ZNF469: variants seen among roughly 807,000 people sequenced by gnomAD.
The protein encoded by ZNF469 is zinc finger protein 469.
ZNF469 carries 1 observed loss-of-function variant against 1.0 expected under a neutral mutation model. The observed-to-expected ratio is 1.00, with a 90% CI of 0.35 to 4.73. ZNF469 has a LOEUF of 4.73. Among genes scored for constraint, ZNF469 ranks in the 30% most tolerant of loss-of-function variants. ZNF469 has a pLI of 0.16. For missense variants in ZNF469, 6,100 were observed against 5,356.3 expected (o/e 1.14, Z -4.33); for synonymous variants, 2,703 against 2,363.4 (o/e 1.14, Z -4.17).
the ZNF469 span, among the ~76,000 whole-genome samples, chr16:88,256,938 CTTTCTTTCTTTCT>C: frequency 0.38 from 5,328 of 14,208 alleles, 342 homozygotes; most frequent in Middle Eastern, 0.46. Context: ...TTCTTTCTTT[CTTTCTTTCTTTCT>C]TTTCTTTTCT....
the ZNF469 span, among the ~76,000 whole-genome samples, chr16:88,126,188 CAAAAA>C: frequency 6.8e-5 from 4 of 59,036 alleles, no homozygotes; most frequent in East Asian, 5.2e-4. Flanking sequence ...GACTCCATCC[CAAAAA>C]AAAAAAAAAA....
chr16:88,205,761 G>GTTTTC, the ZNF469 span, among the ~76,000 whole-genome samples: 2 of 152,330 alleles, frequency 1.3e-5, no homozygotes, highest in African/African-American at 2.4e-5. The surrounding 1 kb of genome is among the most constrained non-coding windows in gnomAD (Gnocchi z 4.2). Flanking sequence ...TCTATGGGGA[G>GTTTTC]GAAGCTGGGT....
At chr16:88,222,172 G>A in the ZNF469 span, among the ~76,000 whole-genome samples, 6 of 152,142 alleles carry the variant, frequency 3.9e-5, no homozygotes, top group Non-Finnish European at 8.8e-5. Flanking sequence ...CTTATCTCAC[G>A]TTCTGTGTGG....
intron 1 of ZNF469, among the ~76,000 whole-genome samples, chr16:88,390,284 A>G (rs1244369462): frequency 6.6e-6 from 1 of 152,080 alleles, no homozygotes; most frequent in African/African-American, 2.4e-5. Context: ...TTCTGGATAC[A>G]CATGGGAGTA....
chr16:88,106,809 G>A, the ZNF469 span, among the ~76,000 whole-genome samples: 2 of 152,264 alleles, frequency 1.3e-5, no homozygotes, highest in Non-Finnish European at 1.5e-5. Flanking sequence ...TGCCATTGCC[G>A]CACAGGCCAG....
At chr16:88,203,133 A>G in the ZNF469 span, among the ~76,000 whole-genome samples, 9 of 152,032 alleles carry the variant, frequency 5.9e-5, no homozygotes, top group Non-Finnish European at 8.8e-5. Flanking sequence ...TGAAGCTCGG[A>G]GTGGGAAGGG....
chr16:88,369,305 T>C, the ZNF469 span, among the ~76,000 whole-genome samples: 1 of 152,178 alleles, frequency 6.6e-6, no homozygotes, highest in Non-Finnish European at 1.5e-5. Flanking sequence ...GGACGCCACA[T>C]GCAAATAAAT....
chr16:88,419,755 A>T (rs4782359), intron 1 of ZNF469, among the ~76,000 whole-genome samples: 1 of 152,230 alleles, frequency 6.6e-6, no homozygotes, highest in African/African-American at 2.4e-5. Context: ...CCCAAGGCCA[A>T]GCCTCGGCTG....
the ZNF469 span, among the ~76,000 whole-genome samples, chr16:88,310,853 G>A: frequency 3.9e-5 from 6 of 152,088 alleles, no homozygotes; most frequent in Non-Finnish European, 8.8e-5. Context: ...CAGAAAAATC[G>A]AGAAGATGGC....
the ZNF469 span, among the ~76,000 whole-genome samples, chr16:88,325,773 A>C: frequency 6.6e-6 from 1 of 152,168 alleles, no homozygotes; most frequent in Non-Finnish European, 1.5e-5. Context: ...TGTGACGGCT[A>C]CCCTGGTCCT....
chr16:88,431,626 G>A lies in ZNF469; in HGVS notation c.4156G>A (p.Gly1386Arg), dbSNP rs1009532853. 9.7e-6 allele frequency: 15 copies of A among 1,550,336 alleles called. No homozygotes were observed. Among genetic ancestry groups the A allele is most frequent in the East Asian group, 2.4e-5 (1 of 40,932 alleles). ...CAGCCCCCACAGTGAGTTGTTCCTC[G>A]GACCCAAAGACCTGGCTGGCTGTTT... ...YSSPHSELFL[G>R]PKDLAGCFLE... The change falls in exon 3 of 3, where the codon GGA (glycine) becomes AGA (arginine). Residue 1386 changes from glycine to arginine, a missense_variant. Physicochemically the swap from Gly to Arg is moderately radical, Grantham distance 125. Transcript: ENST00000565624.
chr16:88,150,282 C>A, the ZNF469 span, among the ~76,000 whole-genome samples: 5 of 152,158 alleles, frequency 3.3e-5, no homozygotes, highest in Non-Finnish European at 4.4e-5. Flanking sequence ...TGCACTCCAG[C>A]CTGGGTGACA....
intron 2 of ZNF469, among the ~76,000 whole-genome samples, chr16:88,425,820 G>A (rs918274359): frequency 1.3e-5 from 2 of 151,968 alleles, no homozygotes; most frequent in South Asian, 2.1e-4. Flanking sequence ...AGTGGTGGGG[G>A]CAGAGGAGGA....
chr16:88,164,927 G>A, the ZNF469 span, among the ~76,000 whole-genome samples: 2 of 152,204 alleles, frequency 1.3e-5, no homozygotes, highest in Non-Finnish European at 2.9e-5. Flanking sequence ...ATTGGCTCAG[G>A]GCCAGGCAGT....
the ZNF469 span, among the ~76,000 whole-genome samples, chr16:88,349,032 G>A: frequency 1.3e-5 from 2 of 152,196 alleles, no homozygotes; most frequent in Non-Finnish European, 2.9e-5. Flanking sequence ...GCCGACTGCG[G>A]CCTCTCTGAC....
At chr16:88,339,277 A>G in the ZNF469 span, among the ~76,000 whole-genome samples, 8 of 21,972 alleles carry the variant, frequency 3.6e-4, no homozygotes, top group South Asian at 2.7e-3. Context: ...CTGGCAGGGG[A>G]ATGGGGGACA....
At chr16:88,233,730 G>T in the ZNF469 span, among the ~76,000 whole-genome samples, 1 of 152,254 alleles carries the variant, frequency 6.6e-6, no homozygotes, top group Non-Finnish European at 1.5e-5. Context: ...TGGCTGTGCC[G>T]AGGTGCCTGG....
At chr16:88,377,586 G>A in the ZNF469 span, among the ~76,000 whole-genome samples, 39 of 152,276 alleles carry the variant, frequency 2.6e-4, no homozygotes, top group Non-Finnish European at 4.4e-4. Flanking sequence ...TCCTTGGACC[G>A]GGCTCAGCCG....
the ZNF469 span, among the ~76,000 whole-genome samples, chr16:88,198,585 C>G: frequency 6.6e-6 from 1 of 152,196 alleles, no homozygotes; most frequent in East Asian, 1.9e-4. Flanking sequence ...CTACCCATGG[C>G]TAGCAGTGAC....
Sources: allele counts gnomAD v4.1 joint callset (sites outside exome capture counted in the v4.1 genomes callset), GRCh38; gene constraint gnomAD v4.1.1; non-coding constraint Gnocchi (gnomAD v3.1); transcripts MANE v1.5; gene names NCBI Gene and HGNC (gene_info 2026-07-23, HGNC 2026-07-21).